Variants in RALYL observed in about 807,000 individuals in gnomAD.
The protein encoded by RALYL is RNA-binding Raly-like protein.
RALYL carries 29 observed loss-of-function variants against 35.1 expected under a neutral mutation model. That is an observed-to-expected ratio of 0.83 (90% CI 0.61 to 1.13). RALYL has a LOEUF of 1.13. RALYL is among the 50% of genes most tolerant of loss of function. The pLI, the probability that RALYL is intolerant of heterozygous loss-of-function variation, is 0.00. For missense variants in RALYL, 359 were observed against 360.4 expected, an observed-to-expected ratio of 1.00 and a Z score of 0.03; for synonymous variants, 120 against 127.6, an observed-to-expected ratio of 0.94 and a Z score of 0.40.
chr8:84,700,081 T>G (rs561812744), intron 2 of RALYL, among the ~76,000 whole-genome samples: 4 of 151,958 alleles, frequency 2.6e-5, no homozygotes, highest in African/African-American at 4.8e-5. Flanking sequence ...CAAGTATAAA[T>G]GAGAAAATCA....
intron 4 of RALYL, among the ~76,000 whole-genome samples, chr8:84,837,748 G>T (rs906282937): frequency 6.6e-6 from 1 of 152,112 alleles, no homozygotes; most frequent in Admixed American, 6.5e-5. Flanking sequence ...GAATGATTAA[G>T]GACACACTGA....
intron 4 of RALYL, among the ~76,000 whole-genome samples, chr8:84,809,498 G>C (rs1422168263): frequency 6.6e-6 from 1 of 152,080 alleles, no homozygotes; most frequent in Non-Finnish European, 1.5e-5. Context: ...TGGCTGCATA[G>C]AATAAATTAG....
chr8:84,513,877 C>T (rs1295489094), intron 1 of RALYL, among the ~76,000 whole-genome samples: 1 of 151,774 alleles, frequency 6.6e-6, no homozygotes, highest in Non-Finnish European at 1.5e-5. Flanking sequence ...AGGTGGATCA[C>T]TTGAGGTCAG....
chr8:84,503,218 G>T (rs768152408), intron 1 of RALYL, among the ~76,000 whole-genome samples: 6 of 151,952 alleles, frequency 3.9e-5, no homozygotes, highest in Non-Finnish European at 8.8e-5. Flanking sequence ...TAGGATCATA[G>T]CTCGCTGCAG....
intron 1 of RALYL, among the ~76,000 whole-genome samples, chr8:84,243,854 G>T (rs1381471646): frequency 6.6e-6 from 1 of 152,148 alleles, no homozygotes; most frequent in Non-Finnish European, 1.5e-5. Flanking sequence ...TGCACTATAA[G>T]TTAGGAGTCT....
intron 1 of RALYL, among the ~76,000 whole-genome samples, chr8:84,388,120 A>G (rs1339347919): frequency 1.3e-5 from 2 of 151,940 alleles, no homozygotes; most frequent in Non-Finnish European, 2.9e-5. Context: ...GCGATAGTTT[A>G]CTGAGAATGA....
intron 2 of RALYL, among the ~76,000 whole-genome samples, chr8:84,682,984 T>C (rs1055794092): frequency 2.6e-5 from 4 of 152,238 alleles, no homozygotes; most frequent in African/African-American, 9.6e-5. Context: ...CATTTAGTGC[T>C]ATAAATTTCC....
intron 1 of RALYL, among the ~76,000 whole-genome samples, chr8:84,452,207 G>A (rs2049554888): frequency 1.3e-5 from 2 of 150,476 alleles, no homozygotes; most frequent in Non-Finnish European, 3.0e-5. Flanking sequence ...TGCTCAGGGT[G>A]ACAGCTTGGT....
At chr8:84,201,614 G>T (rs1203824404) in intron 1 of RALYL, among the ~76,000 whole-genome samples, 1 of 151,404 alleles carries the variant, frequency 6.6e-6, no homozygotes, top group Non-Finnish European at 1.5e-5. Context: ...AGTCTGGAGT[G>T]CAGTGTGGCA....
chr8:84,619,119 G>A (rs1345801180), intron 2 of RALYL, among the ~76,000 whole-genome samples: 5 of 151,502 alleles, frequency 3.3e-5, no homozygotes, highest in Admixed American at 1.3e-4. Flanking sequence ...TCCACTTGGT[G>A]CAGAGCTGAG....
At chr8:84,285,452 A>C (rs1183670409) in intron 1 of RALYL, among the ~76,000 whole-genome samples, 4 of 152,194 alleles carry the variant, frequency 2.6e-5, no homozygotes, top group African/African-American at 7.2e-5. Flanking sequence ...AAGCCTAAGG[A>C]CAAACATATT....
chr8:84,249,881 T>TG (rs1398474457), intron 1 of RALYL, among the ~76,000 whole-genome samples: 1 of 151,578 alleles, frequency 6.6e-6, no homozygotes, highest in Non-Finnish European at 1.5e-5. Context: ...AAAGGTTTTT[T>TG]TTTTCCTATA....
rs1217394291 is a variant in RALYL at position 84,424,097 on chromosome 8, G to C, written c.-23-105202G>C. On this transcript the variant is annotated intron_variant, in intron 1 of 8. Transcript: ENST00000521268. ...ATTTCCTGAATCTGAACATTGGCCTGCCTTGCTAGATTGGGGAAGTTCTCC... is the reference window on the plus strand; with the variant it reads ...ATTTCCTGAATCTGAACATTGGCCTCCCTTGCTAGATTGGGGAAGTTCTCC... 3.9e-5 allele frequency among the ~76,000 whole-genome samples: 6 copies of C among 152,024 alleles called. No homozygotes were observed. The South Asian group carries it at 1.0e-3, about 26-fold the overall frequency.
chr8:84,466,691 T>C (rs2051715606), intron 1 of RALYL, among the ~76,000 whole-genome samples: 2 of 152,000 alleles, frequency 1.3e-5, no homozygotes, highest in Non-Finnish European at 2.9e-5. Flanking sequence ...TCTTTTTCTA[T>C]TGATTAGAAT....
At chr8:84,722,283 T>TA (rs915288667) in intron 2 of RALYL, among the ~76,000 whole-genome samples, 136 of 151,064 alleles carry the variant, frequency 9.0e-4, no homozygotes, top group African/African-American at 3.0e-3. Flanking sequence ...CTTGGTAATT[T>TA]AAAAAAAAAG....
chr8:84,434,276 T>A (rs768179184), intron 1 of RALYL, among the ~76,000 whole-genome samples: 1 of 152,102 alleles, frequency 6.6e-6, no homozygotes, highest in Non-Finnish European at 1.5e-5. Flanking sequence ...CTTACCCCTT[T>A]TATAATCCAT....
intron 2 of RALYL, among the ~76,000 whole-genome samples, chr8:84,639,455 C>CA (rs1825859920): frequency 6.6e-6 from 1 of 151,614 alleles, no homozygotes; most frequent in African/African-American, 2.4e-5. Flanking sequence ...GTGTCTAAAT[C>CA]AAAAAAAGTG....
chr8:84,578,035 C>T (rs1809891418), intron 2 of RALYL, among the ~76,000 whole-genome samples: 1 of 152,224 alleles, frequency 6.6e-6, no homozygotes, highest in Non-Finnish European at 1.5e-5. Flanking sequence ...TCCACCCACT[C>T]AGCCTGGCAA....
At chr8:84,679,996 C>T (rs2131956838) in intron 2 of RALYL, among the ~76,000 whole-genome samples, 1 of 152,034 alleles carries the variant, frequency 6.6e-6, no homozygotes, top group Non-Finnish European at 1.5e-5. Flanking sequence ...TGCTATCCCT[C>T]CCCACTCCCC....
Sources: gnomAD v4.1 joint callset for allele counts (sites outside exome capture counted in the v4.1 genomes callset) on GRCh38, gnomAD v4.1.1 for gene constraint, MANE v1.5 for transcripts, NCBI Gene and HGNC (gene_info 2026-07-23, HGNC 2026-07-21) for gene names.